The following GRB14 variants were observed in gnomAD, a reference collection of about 807,000 sequenced individuals.
GRB14 encodes the protein growth factor receptor-bound protein 14.
GRB14 carries 38 observed loss-of-function variants against 69.1 expected under a neutral mutation model. That is an observed-to-expected ratio of 0.55 (90% CI 0.42 to 0.72). The LOEUF is 0.72. Ranked by LOEUF, GRB14 falls within the 30% of genes least tolerant of loss-of-function variation. The pLI is 0.00. For synonymous variants in GRB14, 247 were observed against 241.3 expected (o/e 1.02, Z -0.22); for missense variants, 666 against 666.1 (o/e 1.00, Z 0.00).
At chr2:164,523,984 C>G (rs1420347518) in intron 5 of GRB14, among the ~76,000 whole-genome samples, 2 of 152,054 alleles carry the variant, frequency 1.3e-5, no homozygotes, top group Non-Finnish European at 2.9e-5. Context: ...ATTTACCTAA[C>G]ATTTTGACAG....
At position 164,553,895 on chromosome 2, in the gene GRB14, G is replaced by A. The variant is rs190315090; in HGVS notation, c.325-6079C>T. Among the ~76,000 whole-genome samples, 77 of 152,036 alleles carry A rather than the reference G, an allele frequency of 5.1e-4. No homozygotes were observed. The East Asian group carries it at 0.014, about 27-fold the overall frequency. Reference sequence around the variant, plus strand: ...CTTGAACCCAGGAGGCGGAGGTTGCGGTGAGCCAAGATCGCGCCACTGCAC... The same window carrying A: ...CTTGAACCCAGGAGGCGGAGGTTGCAGTGAGCCAAGATCGCGCCACTGCAC... On this transcript the variant is annotated intron_variant, in intron 2 of 13. Transcript: ENST00000263915.
intron 8 of GRB14, among the ~76,000 whole-genome samples, chr2:164,503,183 A>AAG (rs1241016468): frequency 3.8e-4 from 57 of 150,844 alleles, no homozygotes; most frequent in Middle Eastern, 3.4e-3. Context: ...AAAAAAAAAA[A>AAG]AAAAGAAAAG....
At position 164,492,819 on chromosome 2, in the gene GRB14, T is replaced by G; in HGVS notation, c.*217A>C. The G allele has an allele frequency of 2.4e-6, 1 of 420,406 alleles. No individual in the cohort carries two copies. The highest frequency in any genetic ancestry group is 4.2e-6 in the Non-Finnish European group (1 of 239,636). 26.0% of individuals were successfully genotyped at this position (420,406 alleles called of 1,614,324 possible). A position where few individuals can be genotyped will look rare whatever the true frequency, so the allele number is the denominator to read the frequency against. ...CACACAAGAACACACCAAGTCATTT[T>G]TTTCCTAAGGTTTAATTTTAACTAA... On this transcript the variant is annotated 3_prime_UTR_variant, in exon 14 of 14. Transcript: ENST00000263915.
intron 3 of GRB14, among the ~76,000 whole-genome samples, chr2:164,546,528 G>A (rs975598728): frequency 1.3e-5 from 2 of 152,112 alleles, no homozygotes; most frequent in South Asian, 4.1e-4. Context: ...CGGGCGACAG[G>A]AAAGTAAAGA....
chr2:164,501,908 G>A (rs939131766), intron 9 of GRB14, among the ~76,000 whole-genome samples: 1 of 151,794 alleles, frequency 6.6e-6, no homozygotes, highest in Admixed American at 6.6e-5. Flanking sequence ...AATCTACAAT[G>A]CCAAGGAATA....
chr2:164,599,928 G>A (rs532415166), intron 2 of GRB14, among the ~76,000 whole-genome samples: 87 of 152,258 alleles, frequency 5.7e-4, no homozygotes, highest in Non-Finnish European at 1.0e-3. Context: ...AATGTAATGC[G>A]AAAACACGAA....
At chr2:164,585,835 A>C (rs1689525530) in intron 2 of GRB14, among the ~76,000 whole-genome samples, 1 of 152,208 alleles carries the variant, frequency 6.6e-6, no homozygotes, top group Non-Finnish European at 1.5e-5. Context: ...TAAAAACAAA[A>C]ACAAAACAAC....
intron 8 of GRB14, among the ~76,000 whole-genome samples, chr2:164,504,098 T>C (rs1158901564): frequency 6.6e-6 from 1 of 152,156 alleles, no homozygotes; most frequent in African/African-American, 2.4e-5. Context: ...GTCTCAGATA[T>C]TCTATAATTC....
chr2:164,527,687 T>C (rs1016052308), intron 3 of GRB14, among the ~76,000 whole-genome samples: 12 of 152,158 alleles, frequency 7.9e-5, no homozygotes, highest in African/African-American at 2.6e-4. Context: ...ACAGGTTTTT[T>C]TTAAGAAGCC....
chr2:164,563,049 CA>C (rs1449684245), intron 2 of GRB14, among the ~76,000 whole-genome samples: 1 of 152,098 alleles, frequency 6.6e-6, no homozygotes, highest in Non-Finnish European at 1.5e-5. Context: ...GGATAAAAAG[CA>C]GTAACAATGC....
At chr2:164,545,065 G>C (rs1230648996) in intron 3 of GRB14, among the ~76,000 whole-genome samples, 1 of 152,184 alleles carries the variant, frequency 6.6e-6, no homozygotes, top group Non-Finnish European at 1.5e-5. Flanking sequence ...ATCAAACAAA[G>C]GGACGATTTT....
chr2:164,614,250 G>T (rs1690233941), intron 2 of GRB14, among the ~76,000 whole-genome samples: 1 of 152,180 alleles, frequency 6.6e-6, no homozygotes, highest in South Asian at 2.1e-4. Context: ...ATAGGAGAGA[G>T]TATTGTTTCT....
At chr2:164,534,048 G>A (rs1394049823) in intron 3 of GRB14, among the ~76,000 whole-genome samples, 1 of 152,084 alleles carries the variant, frequency 6.6e-6, no homozygotes, top group Non-Finnish European at 1.5e-5. Context: ...TCAAGAAATA[G>A]AGTATGTGAG....
In GRB14 at chr2:164,621,066, C is replaced by G; in HGVS notation, c.191+53G>C. On this transcript the variant is annotated intron_variant, in intron 1 of 13. Coordinates refer to ENST00000263915, the MANE Select transcript of GRB14 (RefSeq NM_004490.3). This position sits in a 1 kb window ranked among gnomAD's most constrained non-coding sequence, Gnocchi z 6.0. ...ACCCCCTAGGACCGCCTCCTCACCC[C>G]CTCGCCGGCTGCCCAGCCAGGACAC... 2.4e-6 allele frequency: 3 copies of G among 1,239,394 alleles called. No homozygotes were observed. Among genetic ancestry groups the G allele is most frequent in the Non-Finnish European group, 2.0e-6 (2 of 983,120 alleles). 76.8% of individuals were successfully genotyped at this position (1,239,394 alleles called of 1,614,324 possible). A position where few individuals can be genotyped will look rare whatever the true frequency, so the allele number is the denominator to read the frequency against.
chr2:164,620,070 A>AC (rs1558888500), intron 1 of GRB14: 15 of 48,866 alleles, frequency 3.1e-4, no homozygotes, highest in African/African-American at 6.3e-4. Context: ...CTCCCCTCCC[A>AC]CCACCCCTCC....
intron 2 of GRB14, among the ~76,000 whole-genome samples, chr2:164,569,979 T>C (rs188696148): frequency 1.3e-3 from 192 of 152,276 alleles, no homozygotes; most frequent in Non-Finnish European, 2.0e-3. Flanking sequence ...ACAAAGACCA[T>C]GGTAACAAAT....
intron 2 of GRB14, among the ~76,000 whole-genome samples, chr2:164,594,548 G>A (rs1285191747): frequency 6.6e-6 from 1 of 152,134 alleles, no homozygotes; most frequent in Non-Finnish European, 1.5e-5. Flanking sequence ...AAAGTACAGA[G>A]GTTGTATGTA....
chr2:164,554,033 C>T (rs1688613792), intron 2 of GRB14, among the ~76,000 whole-genome samples: 2 of 151,946 alleles, frequency 1.3e-5, no homozygotes, highest in Admixed American at 1.3e-4. Flanking sequence ...ATGCCTCTTG[C>T]CCAAAGAATT....
At chr2:164,551,280 C>T (rs1688530916) in intron 2 of GRB14, among the ~76,000 whole-genome samples, 1 of 152,096 alleles carries the variant, frequency 6.6e-6, no homozygotes, top group South Asian at 2.1e-4. Flanking sequence ...GATATATGTT[C>T]ACATAACCTT....
Sources: gnomAD v4.1 joint callset for allele counts (sites outside exome capture counted in the v4.1 genomes callset) on GRCh38, gnomAD v4.1.1 for gene constraint, Gnocchi (gnomAD v3.1) non-coding constraint, MANE v1.5 for transcripts, NCBI Gene and HGNC (gene_info 2026-07-23, HGNC 2026-07-21) for gene names.